The following ATP11B variants were observed in gnomAD, a reference collection of about 807,000 sequenced individuals.
The protein encoded by ATP11B is phospholipid-transporting ATPase IF.
Under a neutral mutation model 157.8 loss-of-function variants are expected in ATP11B, and 81 were observed. The observed-to-expected ratio is 0.51, with a 90% confidence interval of 0.43 to 0.62. ATP11B has a LOEUF of 0.62. ATP11B is among the 20% of genes least tolerant of loss of function. The pLI is 0.00. For synonymous variants in ATP11B, 451 were observed against 469.4 expected, an observed-to-expected ratio of 0.96 and a Z score of 0.51; for missense variants, 1,165 against 1,402.2, an observed-to-expected ratio of 0.83 and a Z score of 2.70.
intron 1 of ATP11B, among the ~76,000 whole-genome samples, chr3:182,803,597 A>C (rs561432507): frequency 6.3e-4 from 96 of 152,254 alleles, no homozygotes; most frequent in Non-Finnish European, 1.2e-3. Context: ...CTGTTTTTCC[A>C]GCGTTTTCTT....
At chr3:182,806,359 G>C (rs1716330446) in intron 1 of ATP11B, among the ~76,000 whole-genome samples, 1 of 151,854 alleles carries the variant, frequency 6.6e-6, no homozygotes, top group Non-Finnish European at 1.5e-5. Flanking sequence ...TGTTTTTCCT[G>C]CTCTGCATTT....
At chr3:182,876,365 T>C (rs1722041625) in intron 19 of ATP11B, among the ~76,000 whole-genome samples, 1 of 152,198 alleles carries the variant, frequency 6.6e-6, no homozygotes, top group Admixed American at 6.5e-5. Context: ...GTCTTCTGTA[T>C]ATAGGTGGTT....
intron 28 of ATP11B, among the ~76,000 whole-genome samples, chr3:182,908,206 T>C (rs933783797): frequency 1.4e-5 from 2 of 138,886 alleles, no homozygotes; most frequent in Admixed American, 1.4e-4. Flanking sequence ...CTTTTTTTTT[T>C]TTTTTTTTTT....
intron 12 of ATP11B, 80 bp downstream of exon 12, chr3:182,859,439 A>G: frequency 7.9e-7 from 1 of 1,271,340 alleles, no homozygotes; most frequent in Non-Finnish European, 1.1e-6. Flanking sequence ...TAATGTAACA[A>G]GGTATTATGA....
chr3:182,855,458 A>C (rs529315645), intron 10 of ATP11B, among the ~76,000 whole-genome samples: 6 of 152,328 alleles, frequency 3.9e-5, no homozygotes, highest in Admixed American at 3.9e-4. Flanking sequence ...TTCAGGACTT[A>C]GTGTTAGACA....
At chr3:182,837,287 G>C (rs751568165) in intron 7 of ATP11B, 113 bp downstream of exon 7, 3 of 707,836 alleles carry the variant, frequency 4.2e-6, no homozygotes, top group Non-Finnish European at 6.6e-6. Flanking sequence ...TATTTGTGGG[G>C]TGGGTTGGTG....
chr3:182,840,210 C>T lies in ATP11B; in HGVS notation c.657-1865C>T, dbSNP rs112594369. 4.0e-3 allele frequency among the ~76,000 whole-genome samples: 604 copies of T among 152,262 alleles called. 7 individuals carry two copies. The highest frequency in any genetic ancestry group is 0.012 in the African/African-American group (491 of 41,534). ...GTTCATTGCTTTCTCCTCTTTGATACAATTTGCTAACTTGTCTTCCAGGAC... is the reference window on the plus strand; with the variant it reads ...GTTCATTGCTTTCTCCTCTTTGATATAATTTGCTAACTTGTCTTCCAGGAC... On this transcript the variant is annotated intron_variant, in intron 7 of 29. Transcript: ENST00000323116.
At chr3:182,817,355 A>G (rs1305018514) in intron 1 of ATP11B, among the ~76,000 whole-genome samples, 1 of 151,756 alleles carries the variant, frequency 6.6e-6, no homozygotes, top group Middle Eastern at 3.2e-3. Flanking sequence ...ATCTCAGCTC[A>G]CTGCAACCTC....
At chr3:182,829,480 C>G (rs1435846634) in intron 3 of ATP11B, among the ~76,000 whole-genome samples, 192 bp from the exon 4 acceptor site, 2 of 152,152 alleles carry the variant, frequency 1.3e-5, no homozygotes, top group Non-Finnish European at 2.9e-5. Context: ...GTTGCTGAGT[C>G]CAGTCTAGCC....
In ATP11B at chr3:182,919,210, T is replaced by G. The variant is rs930587656; in HGVS notation, c.*1106T>G. On this transcript the variant is annotated 3_prime_UTR_variant, in exon 30 of 30. Transcript: ENST00000323116. ...TAGAATAAAGGGTTTCAGTTAATAATCTTATTTTCAGGTTATGTCATCTAA... is the reference window on the plus strand; with the variant it reads ...TAGAATAAAGGGTTTCAGTTAATAAGCTTATTTTCAGGTTATGTCATCTAA... 6.6e-6 allele frequency: 1 copy of G among 152,570 alleles called. No homozygotes were observed. Among genetic ancestry groups the G allele is most frequent in the African/African-American group, 2.4e-5 (1 of 41,452 alleles). 9.5% of individuals were successfully genotyped at this position (152,570 alleles called of 1,614,324 possible).
At chr3:182,906,382 C>A (rs1724351070) in intron 28 of ATP11B, among the ~76,000 whole-genome samples, 1 of 152,100 alleles carries the variant, frequency 6.6e-6, no homozygotes. Context: ...GAGTAGGGTG[C>A]TTAGACTTAG....
chr3:182,893,887 G>A (rs1472512454), intron 25 of ATP11B, among the ~76,000 whole-genome samples: 1 of 152,188 alleles, frequency 6.6e-6, no homozygotes, highest in Non-Finnish European at 1.5e-5. Flanking sequence ...CATTCTTGTA[G>A]GAGTAAGGTG....
chr3:182,885,839 C>T, intron 22 of ATP11B, 112 bp from the exon 23 acceptor site: 1 of 618,836 alleles, frequency 1.6e-6, no homozygotes, highest in Non-Finnish European at 2.7e-6. Flanking sequence ...CCTTTACTTA[C>T]CATACCAACT....
At chr3:182,889,978 CTTAGTG>C (rs1369480787) in intron 25 of ATP11B, among the ~76,000 whole-genome samples, 2 of 152,148 alleles carry the variant, frequency 1.3e-5, no homozygotes, top group Non-Finnish European at 2.9e-5. Flanking sequence ...CAAATGAGGA[CTTAGTG>C]TTTGTTTGCT....
intron 29 of ATP11B, chr3:182,917,504 G>T (rs1195118670): frequency 4.1e-6 from 4 of 985,240 alleles, no homozygotes; most frequent in Non-Finnish European, 4.8e-6. Flanking sequence ...TGACCTACAG[G>T]TGTCTTTGAT....
intron 1 of ATP11B, among the ~76,000 whole-genome samples, chr3:182,794,025 T>G (rs895424289): frequency 1.3e-5 from 2 of 152,068 alleles, no homozygotes; most frequent in African/African-American, 4.8e-5. Flanking sequence ...GGCGGCCGCT[T>G]CTAGCCGGCG....
chr3:182,838,866 G>T (rs1718776377), intron 7 of ATP11B, among the ~76,000 whole-genome samples: 1 of 151,732 alleles, frequency 6.6e-6, no homozygotes, highest in Non-Finnish European at 1.5e-5. Flanking sequence ...AAAATGCTTA[G>T]ATAGGTATAT....
intron 10 of ATP11B, among the ~76,000 whole-genome samples, chr3:182,856,351 G>A (rs1489016246): frequency 6.6e-6 from 1 of 152,184 alleles, no homozygotes; most frequent in Non-Finnish European, 1.5e-5. Context: ...TTAGGAAGGA[G>A]ATGGATTTTG....
At chr3:182,846,285 G>T (rs1468742151) in intron 9 of ATP11B, among the ~76,000 whole-genome samples, 1 of 150,928 alleles carries the variant, frequency 6.6e-6, no homozygotes, top group Non-Finnish European at 1.5e-5. Flanking sequence ...TGATAAAGAA[G>T]TCCATATGTC....
Sources: gnomAD v4.1 joint callset for allele counts (sites outside exome capture counted in the v4.1 genomes callset) on GRCh38, gnomAD v4.1.1 for gene constraint, MANE v1.5 for transcripts, NCBI Gene and HGNC (gene_info 2026-07-23, HGNC 2026-07-21) for gene names.